CHST9: variants seen among roughly 807,000 people sequenced by gnomAD.
CHST9 encodes carbohydrate sulfotransferase 9, also known as GalNAc-4-sulfotransferase 2.
Under a neutral mutation model 44.4 loss-of-function variants are expected in CHST9, and 41 were observed. The ratio of observed to expected loss-of-function variants is 0.92; its 90% confidence interval spans 0.72 to 1.20. The LOEUF (loss-of-function observed/expected upper bound fraction) is 1.20. CHST9 is among the 50% of genes most tolerant of loss of function. The pLI, the probability that CHST9 is intolerant of heterozygous loss-of-function variation, is 0.00. For synonymous variants in CHST9, 171 were observed against 178.4 expected (o/e 0.96, Z 0.33); for missense variants, 504 against 516.5 (o/e 0.98, Z 0.23).
In CHST9 at chr18:26,908,022, G is replaced by T. The variant is rs538663170; in HGVS notation, c.*8237C>A. 6.4e-6 allele frequency: 1 copy of T among 155,868 alleles called. No homozygotes were observed. 9.7% of individuals were successfully genotyped at this position (155,868 alleles called of 1,614,324 possible). On this transcript the variant is annotated 3_prime_UTR_variant, in exon 6 of 6. Transcript: ENST00000618847. ...CTGGGGGAGGGCAAAAAGTGAAGTTGTTTAATAGGTGCAGAGTATCCATTT... is the reference window on the plus strand; with the variant it reads ...CTGGGGGAGGGCAAAAAGTGAAGTTTTTTAATAGGTGCAGAGTATCCATTT...
intron 3 of CHST9, among the ~76,000 whole-genome samples, chr18:27,032,858 T>G (rs1357659939): frequency 6.6e-6 from 1 of 152,188 alleles, no homozygotes; most frequent in African/African-American, 2.4e-5. Flanking sequence ...GGATTCTAGT[T>G]TGGGTAGTTT....
At chr18:27,155,086 T>TAAAAAAAA (rs145704285) in intron 1 of CHST9, among the ~76,000 whole-genome samples, 7 of 108,750 alleles carry the variant, frequency 6.4e-5, no homozygotes, top group African/African-American at 9.7e-5. Context: ...TTTCAAAAGT[T>TAAAAAAAA]AAAAAAAAAA....
chr18:27,073,563 G>A (rs8088564), intron 2 of CHST9, among the ~76,000 whole-genome samples: 1 of 151,728 alleles, frequency 6.6e-6, no homozygotes, highest in Non-Finnish European at 1.5e-5. Flanking sequence ...TGACCAGAGG[G>A]AAGATGGCAT....
intron 2 of CHST9, among the ~76,000 whole-genome samples, chr18:27,115,857 T>C (rs991085866): frequency 6.6e-6 from 1 of 152,180 alleles, no homozygotes; most frequent in East Asian, 1.9e-4. Flanking sequence ...AAAGTGATAT[T>C]TCATCATGGT....
At position 27,124,890 on chromosome 18, in the gene CHST9, T is replaced by C. The variant is rs145650398; in HGVS notation, c.121+17799A>G. Among the ~76,000 whole-genome samples, 1,198 of 152,328 alleles carry C rather than the reference T, an allele frequency of 7.9e-3. 15 individuals are homozygous for C. Among genetic ancestry groups the C allele is most frequent in the African/African-American group, 0.026 (1,065 of 41,580 alleles). On this transcript the variant is annotated intron_variant, in intron 2 of 5. Transcript: ENST00000618847. ...GCAATTTCATTGTTTACAGTATATT[T>C]CTGGCAGAGTGATAATAAGCAGCCT...
intron 5 of CHST9, among the ~76,000 whole-genome samples, chr18:26,931,159 A>C (rs377047957): frequency 2.0e-5 from 3 of 152,322 alleles, no homozygotes; most frequent in African/African-American, 7.2e-5. Flanking sequence ...ATCATAAAGC[A>C]GGCAAGTATA....
intron 2 of CHST9, among the ~76,000 whole-genome samples, chr18:27,099,959 T>C (rs1169396345): frequency 1.3e-5 from 2 of 151,938 alleles, no homozygotes; most frequent in African/African-American, 4.8e-5. Context: ...AGCAAAGACA[T>C]GGAATCAACC....
intron 2 of CHST9, among the ~76,000 whole-genome samples, chr18:27,124,278 G>T (rs570873583): frequency 6.6e-6 from 1 of 152,186 alleles, no homozygotes; most frequent in Non-Finnish European, 1.5e-5. Context: ...CAGAAATCAA[G>T]GATAACCTGA....
At chr18:27,075,884 A>C (rs2057898521) in intron 2 of CHST9, among the ~76,000 whole-genome samples, 1 of 152,200 alleles carries the variant, frequency 6.6e-6, no homozygotes, top group Non-Finnish European at 1.5e-5. Context: ...CATGGAGCAA[A>C]TTATTAAACT....
chr18:27,075,968 A>G (rs2057899112), intron 2 of CHST9, among the ~76,000 whole-genome samples: 1 of 152,220 alleles, frequency 6.6e-6, no homozygotes, highest in African/African-American at 2.4e-5. Context: ...AAAGATGTGA[A>G]GTGCACAGAG....
intron 3 of CHST9, among the ~76,000 whole-genome samples, chr18:27,045,225 A>G (rs2057486337): frequency 6.6e-6 from 1 of 152,036 alleles, no homozygotes; most frequent in Non-Finnish European, 1.5e-5. Context: ...CTGAATTTGA[A>G]AGAGTTCTTC....
chr18:26,993,676 TTAAAAA>T (rs2056851357), intron 4 of CHST9, among the ~76,000 whole-genome samples: 1 of 152,156 alleles, frequency 6.6e-6, no homozygotes, highest in African/African-American at 2.4e-5. Flanking sequence ...AAACACAATC[TTAAAAA>T]TAAAAGAGTT....
chr18:27,091,943 G>A (rs945008251), intron 2 of CHST9, among the ~76,000 whole-genome samples: 1 of 152,160 alleles, frequency 6.6e-6, no homozygotes, highest in East Asian at 1.9e-4. Flanking sequence ...TTTGGTATCA[G>A]GATGATGTTG....
chr18:26,973,582 G>A (rs1040571099), intron 4 of CHST9, among the ~76,000 whole-genome samples: 2 of 152,102 alleles, frequency 1.3e-5, no homozygotes, highest in Non-Finnish European at 2.9e-5. Context: ...ATGACATTAT[G>A]TTTTTTTGCA....
intron 2 of CHST9, among the ~76,000 whole-genome samples, chr18:27,050,507 C>T (rs1292488056): frequency 2.0e-5 from 3 of 152,160 alleles, no homozygotes; most frequent in Non-Finnish European, 4.4e-5. Flanking sequence ...TTTCTAACAG[C>T]CCTTCGAGTC....
At chr18:27,023,983 T>C (rs1432965617) in intron 4 of CHST9, 133 bp downstream of exon 4, 4 of 845,838 alleles carry the variant, frequency 4.7e-6, no homozygotes, top group Non-Finnish European at 7.4e-6. Flanking sequence ...ACCTAGGCAG[T>C]GCTTCCTAGG....
chr18:27,003,880 G>C (rs528723418), intron 4 of CHST9, among the ~76,000 whole-genome samples: 11 of 152,060 alleles, frequency 7.2e-5, no homozygotes, highest in African/African-American at 2.4e-4. Flanking sequence ...GTAAGAATGT[G>C]TTATTTGCTC....
intron 1 of CHST9, among the ~76,000 whole-genome samples, chr18:27,171,903 T>G (rs913420342): frequency 6.6e-6 from 1 of 152,176 alleles, no homozygotes; most frequent in Non-Finnish European, 1.5e-5. Flanking sequence ...TAAAACAGCT[T>G]CACTCTCCAT....
intron 4 of CHST9, among the ~76,000 whole-genome samples, chr18:26,975,500 CT>C (rs933194562): frequency 7.9e-5 from 12 of 151,992 alleles, no homozygotes; most frequent in African/African-American, 2.4e-4. Context: ...CATTATTTAG[CT>C]CCCACTTATA....
Sources: gnomAD v4.1 joint callset for allele counts (sites outside exome capture counted in the v4.1 genomes callset) on GRCh38, gnomAD v4.1.1 for gene constraint, MANE v1.5 for transcripts, NCBI Gene and HGNC (gene_info 2026-07-23, HGNC 2026-07-21) for gene names.